WDR11: variants seen among roughly 807,000 people sequenced by gnomAD.
WDR11 encodes WD repeat domain 11, also known as WD repeat-containing protein 11.
In WDR11, 83 loss-of-function variants were observed where a neutral mutation model predicts 151.2. The observed-to-expected ratio is 0.55, with a 90% CI of 0.46 to 0.66. The LOEUF (loss-of-function observed/expected upper bound fraction) is 0.66. Among genes scored for constraint, WDR11 ranks in the 30% least tolerant of loss-of-function variants. WDR11 has a pLI of 0.00. For synonymous variants in WDR11, 484 were observed against 533.1 expected (o/e 0.91, Z 1.27); for missense variants, 1,301 against 1,480.9 (o/e 0.88, Z 1.99).
chr10:120,885,056 C>T (rs1428179733), intron 14 of WDR11: 3 of 152,240 alleles, frequency 2.0e-5, no homozygotes, highest in Non-Finnish European at 4.4e-5. Flanking sequence ...CAGACATCTT[C>T]TGTGTCCGCT....
chr10:120,909,403 G>A lies in WDR11; in HGVS notation c.*690G>A, dbSNP rs1848204760. ...AACCTCATTTTTGAAGTCTTTCTTT[G>A]TACTTTAATGTTCTCTCTGTTCTAA... On this transcript the variant is annotated 3_prime_UTR_variant, in exon 29 of 29. Transcript: ENST00000263461. 6.5e-6 allele frequency: 1 copy of A among 152,758 alleles called. No homozygotes were observed. The highest frequency in any genetic ancestry group is 2.4e-5 in the African/African-American group (1 of 41,414). 9.5% of individuals were successfully genotyped at this position (152,758 alleles called of 1,614,324 possible).
intron 11 of WDR11, among the ~76,000 whole-genome samples, chr10:120,874,442 C>T (rs934485465): frequency 6.7e-6 from 1 of 149,536 alleles, no homozygotes. Context: ...GTGCAGAATG[C>T]GTGCATTTGT....
At chr10:120,870,040 G>A (rs963930714) in intron 9 of WDR11, among the ~76,000 whole-genome samples, 5 of 152,092 alleles carry the variant, frequency 3.3e-5, no homozygotes, top group East Asian at 3.9e-4. Context: ...CGGTTGCCTC[G>A]GCCTCCCAAA....
intron 19 of WDR11, among the ~76,000 whole-genome samples, chr10:120,895,716 C>T (rs1410867551): frequency 6.6e-6 from 1 of 151,964 alleles, no homozygotes; most frequent in Non-Finnish European, 1.5e-5. Flanking sequence ...AATATTTGAC[C>T]TCCTACTGGT....
At chr10:120,858,448 T>C (rs1564937672) in intron 2 of WDR11, among the ~76,000 whole-genome samples, 195 bp from the exon 3 acceptor site, 1 of 152,180 alleles carries the variant, frequency 6.6e-6, no homozygotes, top group Admixed American at 6.6e-5. Flanking sequence ...GAAAACAATT[T>C]TGTAACTGCA....
At chr10:120,859,004 T>G (rs1363368821) in intron 3 of WDR11, among the ~76,000 whole-genome samples, 1 of 152,202 alleles carries the variant, frequency 6.6e-6, no homozygotes, top group Admixed American at 6.5e-5. Flanking sequence ...CTCAACTGAT[T>G]TGTGCTTTGG....
chr10:120,870,707 ATC>A (rs1846506252), intron 9 of WDR11, among the ~76,000 whole-genome samples: 1 of 152,214 alleles, frequency 6.6e-6, no homozygotes, highest in South Asian at 2.1e-4. Flanking sequence ...AGTTATTTAA[ATC>A]TGTTTTTCAT....
Position 120,880,931 on chromosome 10 carries a change from G to T in WDR11, c.1739+30G>T, listed in dbSNP as rs987305403. The T allele has an allele frequency of 2.6e-6, 4 of 1,553,724 alleles. No individual in the cohort carries two copies. The African/African-American group carries it at 5.5e-5, about 21-fold the overall frequency. On this transcript the variant is annotated intron_variant, in intron 13 of 28. Transcript: ENST00000263461. ...GTGTCAACCTAAAAAAAAATCTATG[G>T]TGTTATCACAATGAAATCTCGTGGA...
At chr10:120,868,607 A>C (rs1382745337) in intron 9 of WDR11, 1 of 152,252 alleles carries the variant, frequency 6.6e-6, no homozygotes, top group African/African-American at 2.4e-5. Flanking sequence ...CATTTGATAC[A>C]TATGAGAACT....
intron 9 of WDR11, among the ~76,000 whole-genome samples, chr10:120,870,444 T>C (rs1385295277): frequency 1.3e-5 from 2 of 152,200 alleles, no homozygotes; most frequent in African/African-American, 4.8e-5. Flanking sequence ...TTGATTTCAT[T>C]GTACTGTTTA....
chr10:120,881,812 A>G (rs1038904879), intron 13 of WDR11, among the ~76,000 whole-genome samples: 4 of 152,018 alleles, frequency 2.6e-5, no homozygotes, highest in African/African-American at 7.2e-5. Flanking sequence ...TAGTAAAGAC[A>G]TCTTTACATC....
chr10:120,894,784 T>G (rs1847546287), intron 19 of WDR11, among the ~76,000 whole-genome samples: 1 of 152,244 alleles, frequency 6.6e-6, no homozygotes, highest in Non-Finnish European at 1.5e-5. Flanking sequence ...TGATGCTAAC[T>G]GCTTTTGCAT....
intron 19 of WDR11, among the ~76,000 whole-genome samples, chr10:120,899,396 A>G (rs1847730574): frequency 6.6e-6 from 1 of 152,240 alleles, no homozygotes; most frequent in African/African-American, 2.4e-5. Context: ...TTTAAAAATA[A>G]TGAACTTTGT....
chr10:120,865,608 T>C, intron 6 of WDR11, 22 bp from the exon 7 acceptor site: 1 of 1,488,844 alleles, frequency 6.7e-7, no homozygotes, highest in Non-Finnish European at 9.3e-7. Flanking sequence ...TTTTAAAAAA[T>C]AAATATATCA....
chr10:120,893,079 A>G (rs1847480830), intron 19 of WDR11, among the ~76,000 whole-genome samples: 1 of 151,422 alleles, frequency 6.6e-6, no homozygotes, highest in Non-Finnish European at 1.5e-5. Flanking sequence ...TTTGTTACAT[A>G]TGTATACATG....
intron 2 of WDR11, among the ~76,000 whole-genome samples, chr10:120,856,575 C>CAAA (rs71019798): frequency 0.013 from 1,280 of 101,498 alleles, 18 homozygotes; most frequent in East Asian, 0.057. Flanking sequence ...ACTCTGTCTC[C>CAAA]AAAAAAAAAA....
chr10:120,876,441 C>T (rs1430083085), intron 11 of WDR11, among the ~76,000 whole-genome samples: 4 of 152,132 alleles, frequency 2.6e-5, no homozygotes, highest in Admixed American at 6.5e-5. Context: ...GATACATTTA[C>T]GTGGAATAAT....
chr10:120,899,875 T>C, intron 19 of WDR11, 154 bp from the exon 20 acceptor site: 1 of 657,036 alleles, frequency 1.5e-6, no homozygotes, highest in Non-Finnish European at 2.7e-6. Flanking sequence ...TCTTGGCTTG[T>C]GTTTCCTAAG....
At chr10:120,899,677 G>A (rs970013267) in intron 19 of WDR11, among the ~76,000 whole-genome samples, 2 of 152,084 alleles carry the variant, frequency 1.3e-5, no homozygotes, top group East Asian at 1.9e-4. Flanking sequence ...CAGTTACTTC[G>A]GAGGCTGAGG....
Sources: allele counts gnomAD v4.1 joint callset (sites outside exome capture counted in the v4.1 genomes callset), GRCh38; gene constraint gnomAD v4.1.1; transcripts MANE v1.5; gene names NCBI Gene and HGNC (gene_info 2026-07-23, HGNC 2026-07-21).